The following CTBP1 variants were observed in gnomAD, a reference collection of about 807,000 sequenced individuals.
CTBP1 encodes C-terminal binding protein 1.
In CTBP1, 11 loss-of-function variants were observed where a neutral mutation model predicts 42.1. The observed-to-expected ratio is 0.26, with a 90% CI of 0.16 to 0.43. CTBP1 has a LOEUF of 0.43. Ranked by LOEUF, CTBP1 falls within the 20% of genes least tolerant of loss-of-function variation. The probability of loss-of-function intolerance (pLI) is 1.00; values close to 1 mark genes in which losing one functional copy is unlikely to be tolerated. For missense variants in CTBP1, 399 were observed against 624.3 expected (o/e 0.64, Z 3.85); for synonymous variants, 324 against 277.1 (o/e 1.17, Z -1.68).
intron 2 of CTBP1, 40 bp downstream of exon 2, chr4:1,241,285 C>T (rs759562096): frequency 3.4e-5 from 27 of 790,626 alleles, no homozygotes; most frequent in South Asian, 2.8e-4. Context: ...AGAGACCGGC[C>T]GGCTTCACTC....
At chr4:1,243,136 C>T (rs1732355143) in intron 1 of CTBP1, 1 of 985,336 alleles carries the variant, frequency 1.0e-6, no homozygotes, top group Non-Finnish European at 1.2e-6. Flanking sequence ...CAAGACCGGC[C>T]AATACTCAAT....
chr4:1,241,399 C>G lies in CTBP1; in HGVS notation c.-68G>C. Reference sequence around the variant, plus strand: ...TTCAAAGCTTTTTATCTTCAGGATCCCCAGGCAGAACCGCGTCCTGTCTCG... The same window carrying G: ...TTCAAAGCTTTTTATCTTCAGGATCGCCAGGCAGAACCGCGTCCTGTCTCG... On this transcript the variant is annotated 5_prime_UTR_variant, in exon 2 of 10. Transcript: ENST00000382952. The G allele has an allele frequency of 8.0e-7, 1 of 1,251,182 alleles. No homozygotes were observed. 77.5% of individuals were successfully genotyped at this position (1,251,182 alleles called of 1,614,324 possible). A position where few individuals can be genotyped will look rare whatever the true frequency, so the allele number is the denominator to read the frequency against.
In CTBP1 at chr4:1,233,911, C is replaced by T. The variant is rs979301009; in HGVS notation, c.162+4272G>A. The stretch of plus-strand genomic sequence containing the variant: ...CACGCCAAAGCCTGGAGACAGGGAG[C>T]CTGCGGCCCCGCTGCCCTCTCCACA... On this transcript the variant is annotated intron_variant, in intron 3 of 9. Coordinates refer to ENST00000382952, the MANE Select transcript of CTBP1 (RefSeq NM_001012614.2). The surrounding 1 kb of genome is among the most constrained non-coding windows in gnomAD (Gnocchi z 4.6). Among the ~76,000 whole-genome samples the T allele has an allele frequency of 6.6e-5, 10 of 152,226 alleles. No individual in the cohort carries two copies. The highest frequency in any genetic ancestry group is 1.5e-5 in the Non-Finnish European group (1 of 68,038).
intron 8 of CTBP1, 119 bp downstream of exon 8, chr4:1,213,359 C>A (rs1244118178): frequency 4.6e-5 from 69 of 1,496,610 alleles, no homozygotes; most frequent in Non-Finnish European, 6.1e-5. Context: ...GCAGTGAGAG[C>A]ACCACGGGCC....
chr4:1,248,564 G>T, intron 1 of CTBP1: 2 of 526,084 alleles, frequency 3.8e-6, no homozygotes, highest in Non-Finnish European at 4.9e-6. Context: ...CCGGGGATCG[G>T]GACCCGGGGT....
chr4:1,229,611 C>T (rs941077380), intron 3 of CTBP1, among the ~76,000 whole-genome samples: 3 of 152,200 alleles, frequency 2.0e-5, no homozygotes, highest in Non-Finnish European at 4.4e-5. Flanking sequence ...GGATCCCGGG[C>T]GGCAGTGCCT....
chr4:1,212,412 C>G lies in CTBP1; in HGVS notation c.1118G>C (p.Gly373Ala), dbSNP rs1728633717. The G allele has an allele frequency of 6.8e-7, 1 of 1,462,758 alleles. No homozygotes were observed. The highest frequency in any genetic ancestry group is 1.5e-5 in the African/African-American group (1 of 67,794). The allele number at this position is 1,462,758 out of a possible 1,614,324, so 90.6% of individuals were successfully genotyped here. A position where few individuals can be genotyped will look rare whatever the true frequency, so the allele number is the denominator to read the frequency against. ...GCCAGTGGGGGCCACGCCCACCACG[C>G]CCGGAGGGTACCTGCTGGGAGAGGG... The part of the protein sequence containing the change: ...LNGAAYRYPP[G>A]VVGVAPTGIP... The change falls in exon 10 of 10, where the codon GGC becomes GCC. Residue 373 changes from glycine to alanine, a missense_variant. Transcript: ENST00000382952.
rs1194526526 is a variant in CTBP1 at position 1,211,933 on chromosome 4, G to A, written c.*307C>T. 4 of 224,890 alleles carry A rather than the reference G, an allele frequency of 1.8e-5. No homozygotes were observed. Among genetic ancestry groups the A allele is most frequent in the Non-Finnish European group, 3.4e-5 (4 of 117,924 alleles). The allele number at this position is 224,890 out of a possible 1,614,324, so 13.9% of individuals were successfully genotyped here. A position where few individuals can be genotyped will look rare whatever the true frequency, so the allele number is the denominator to read the frequency against. The stretch of plus-strand genomic sequence containing the variant: ...AAATGCTCCTTCAGGTTTTCTTTTT[G>A]TTGACAGCTAAGCAAACAGATCCTT... On this transcript the variant is annotated 3_prime_UTR_variant, in exon 10 of 10. Coordinates refer to ENST00000382952, the MANE Select transcript of CTBP1 (RefSeq NM_001012614.2).
At chr4:1,239,228 G>A (rs1475246093) in intron 2 of CTBP1, among the ~76,000 whole-genome samples, 1 of 152,230 alleles carries the variant, frequency 6.6e-6, no homozygotes, top group Non-Finnish European at 1.5e-5. Flanking sequence ...ACAGAAGCAT[G>A]GCAGCTTCCA....
intron 3 of CTBP1, 64 bp from the exon 4 acceptor site, chr4:1,228,407 G>T (rs948578088): frequency 1.9e-6 from 3 of 1,567,728 alleles, no homozygotes; most frequent in African/African-American, 2.7e-5. Flanking sequence ...GGCCTTCGGG[G>T]GTGGGGCTGC....
chr4:1,214,613 C>T (rs961910968), intron 6 of CTBP1, 140 bp from the exon 7 acceptor site: 65 of 1,139,866 alleles, frequency 5.7e-5, no homozygotes, highest in Admixed American at 7.3e-5. Context: ...CTCACCACGG[C>T]GCTAGGACTG....
chr4:1,238,639 TC>T lies in CTBP1; in HGVS notation c.8-303del, dbSNP rs1731831483. ...ACCCTCCAAGGCCCCTCCGAGATCC[TC>T]CCAGACCCTCTGAGACCCTCTCACA... On this transcript the variant is annotated intron_variant, in intron 2 of 9. Transcript: ENST00000382952. The surrounding 1 kb of genome is among the most constrained non-coding windows in gnomAD (Gnocchi z 5.9). Among the ~76,000 whole-genome samples the T allele has an allele frequency of 6.9e-6, 1 of 144,062 alleles. No individual in the cohort carries two copies. The highest frequency in any genetic ancestry group is 6.9e-5 in the Admixed American group (1 of 14,518). The allele number at this position is 144,062 out of a possible 152,430, so 94.5% of individuals were successfully genotyped here.
At chr4:1,219,173 A>AAAT (rs200013130) in intron 5 of CTBP1, among the ~76,000 whole-genome samples, 48 of 151,790 alleles carry the variant, frequency 3.2e-4, no homozygotes, top group Non-Finnish European at 3.1e-4. Flanking sequence ...CTCTACCAAA[A>AAAT]AATAATAATA....
chr4:1,243,564 C>A (rs540162901), intron 1 of CTBP1: 1 of 985,452 alleles, frequency 1.0e-6, no homozygotes, highest in Non-Finnish European at 1.2e-6. Flanking sequence ...CACCCTGGGG[C>A]CACTGTGCAC....
intron 2 of CTBP1, 104 bp downstream of exon 2, chr4:1,241,221 C>G (rs1422901763): frequency 1.7e-5 from 13 of 775,244 alleles, no homozygotes; most frequent in East Asian, 1.2e-4. Flanking sequence ...GACGCCCATG[C>G]AGCCCAGGTC....
At chr4:1,234,654 A>G (rs539441139) in intron 3 of CTBP1, 3 of 152,268 alleles carry the variant, frequency 2.0e-5, no homozygotes, top group Non-Finnish European at 4.4e-5. Flanking sequence ...TTTGTTGGCA[A>G]AACTGTTTGA....
chr4:1,245,573 T>C, intron 1 of CTBP1: 1 of 979,982 alleles, frequency 1.0e-6, no homozygotes, highest in Non-Finnish European at 1.2e-6. Context: ...GAGGGCACGG[T>C]GACACGGGCG....
intron 2 of CTBP1, 103 bp downstream of exon 2, chr4:1,241,222 A>T: frequency 1.3e-6 from 1 of 775,834 alleles, no homozygotes; most frequent in Non-Finnish European, 2.4e-6. Flanking sequence ...ACGCCCATGC[A>T]GCCCAGGTCC....
chr4:1,245,027 G>A (rs1413638204), intron 1 of CTBP1: 2 of 985,470 alleles, frequency 2.0e-6, no homozygotes, highest in East Asian at 1.1e-4. Context: ...TGGAGCCACT[G>A]GGCTGAGAGC....
Sources: allele counts gnomAD v4.1 joint callset (sites outside exome capture counted in the v4.1 genomes callset), GRCh38; gene constraint gnomAD v4.1.1; non-coding constraint Gnocchi (gnomAD v3.1); transcripts MANE v1.5; gene names NCBI Gene and HGNC (gene_info 2026-07-23, HGNC 2026-07-21).